Variants in FGFR2 observed in about 807,000 individuals in gnomAD.
FGFR2 encodes BEK fibroblast growth factor receptor.
Under a neutral mutation model 95.9 loss-of-function variants are expected in FGFR2, and 19 were observed. The observed-to-expected ratio is 0.20, with a 90% CI of 0.14 to 0.29. FGFR2 has a LOEUF of 0.29. FGFR2 is among the 10% of genes least tolerant of loss of function. The pLI is 1.00. For synonymous variants in FGFR2, 392 were observed against 393.3 expected, an observed-to-expected ratio of 1.00 and a Z score of 0.04; for missense variants, 707 against 1,056.9, an observed-to-expected ratio of 0.67 and a Z score of 4.59.
chr10:121,538,919 T>C (rs1223338815), intron 5 of FGFR2, among the ~76,000 whole-genome samples: 1 of 152,232 alleles, frequency 6.6e-6, no homozygotes, highest in Non-Finnish European at 1.5e-5. Flanking sequence ...GAAGCAAATA[T>C]TGACATATTC....
intron 6 of FGFR2, 38 bp downstream of exon 6, chr10:121,538,554 C>A: frequency 1.9e-6 from 3 of 1,614,146 alleles, no homozygotes; most frequent in Non-Finnish European, 2.5e-6. Flanking sequence ...CAAGAATGGG[C>A]TGGTATGCAG....
intron 5 of FGFR2, among the ~76,000 whole-genome samples, chr10:121,546,726 C>T (rs765197513): frequency 7.2e-5 from 11 of 152,046 alleles, no homozygotes; most frequent in Non-Finnish European, 1.3e-4. Flanking sequence ...GGATGGCTGC[C>T]GAGGTGCCCA....
chr10:121,591,507 A>G (rs1003632088), intron 2 of FGFR2, among the ~76,000 whole-genome samples: 1 of 152,212 alleles, frequency 6.6e-6, no homozygotes, highest in East Asian at 1.9e-4. Flanking sequence ...GAGTCAGAAG[A>G]CTTCTGAGGA....
chr10:121,492,965 A>G (rs1589741834), intron 13 of FGFR2, among the ~76,000 whole-genome samples: 2 of 152,266 alleles, frequency 1.3e-5, no homozygotes, highest in Non-Finnish European at 1.5e-5. Flanking sequence ...AGCAGGAGAC[A>G]GCTGAGTGGG....
chr10:121,544,740 AGTG>A (rs1854269999), intron 5 of FGFR2, among the ~76,000 whole-genome samples: 1 of 152,234 alleles, frequency 6.6e-6, no homozygotes, highest in Non-Finnish European at 1.5e-5. Flanking sequence ...TTTTGAAAAT[AGTG>A]GTGATGGTTG....
At chr10:121,526,929 A>G (rs1193562645) in intron 6 of FGFR2, 4 of 393,950 alleles carry the variant, frequency 1.0e-5, no homozygotes, top group African/African-American at 2.1e-5. Context: ...TAAAACACAC[A>G]CGTCTCTTTG....
intron 11 of FGFR2, among the ~76,000 whole-genome samples, 161 bp downstream of exon 11, chr10:121,500,665 T>C (rs1313324885): frequency 6.6e-6 from 1 of 152,182 alleles, no homozygotes; most frequent in East Asian, 1.9e-4. Flanking sequence ...AGATAAATAG[T>C]CTGTCCGAGA....
intron 1 of FGFR2, among the ~76,000 whole-genome samples, chr10:121,594,424 G>C (rs1863144809): frequency 6.6e-6 from 1 of 152,194 alleles, no homozygotes; most frequent in Admixed American, 6.5e-5. Context: ...AACTGTTGGA[G>C]GAGTCTGCTC....
chr10:121,554,115 C>T (rs1030792874), intron 4 of FGFR2, among the ~76,000 whole-genome samples: 5 of 152,170 alleles, frequency 3.3e-5, no homozygotes, highest in Non-Finnish European at 7.4e-5. Context: ...ACAGACACAG[C>T]CATACAGCAG....
chr10:121,559,856 T>C (rs929425280), intron 4 of FGFR2, among the ~76,000 whole-genome samples: 1 of 152,200 alleles, frequency 6.6e-6, no homozygotes, highest in East Asian at 1.9e-4. Flanking sequence ...CATATAATCC[T>C]TCTGAACCAC....
intron 6 of FGFR2, chr10:121,526,973 T>C (rs1851466054): frequency 2.6e-6 from 1 of 384,916 alleles, no homozygotes; most frequent in Non-Finnish European, 4.6e-6. Context: ...CAAACTTGTT[T>C]GGGTAAAAAT....
intron 5 of FGFR2, among the ~76,000 whole-genome samples, chr10:121,549,697 C>T (rs1855086001): frequency 6.6e-6 from 1 of 152,188 alleles, no homozygotes; most frequent in South Asian, 2.1e-4. Flanking sequence ...GCCCGTGTGG[C>T]ATGGAACAGT....
chr10:121,479,817 C>T lies in FGFR2; in HGVS notation c.*40G>A. ...TCTCCCTGCTCAGTGTAGCTAGGTT[C>T]CCAGTGCTGTCCTGTTTGGGGACAG... On this transcript the variant is annotated 3_prime_UTR_variant, in exon 18 of 18. Transcript: ENST00000358487. 1 of 1,613,990 alleles carries T rather than the reference C, an allele frequency of 6.2e-7. No homozygotes were observed. Among genetic ancestry groups the T allele is most frequent in the South Asian group, 1.1e-5 (1 of 91,048 alleles).
At chr10:121,493,753 CTGCTGCCTGCAGCTTCTTCA>C (rs1589744742) in intron 13 of FGFR2, among the ~76,000 whole-genome samples, 1 of 152,274 alleles carries the variant, frequency 6.6e-6, no homozygotes, top group East Asian at 1.9e-4. Flanking sequence ...CAGAGCTGAG[CTGCTGCCTGCAGCTTCTTCA>C]TTATCTCCCC....
rs371141402 is a variant in FGFR2, at chr10:121,517,438, T to C, written c.965A>G (p.Lys322Arg). The part of the protein sequence containing the change: ...LKAAGVNTTD[K>R]EIEVLYIRNV... ...CCGAATATAGAGAACCTCAATCTCTTTGTCCGTGGTGTTAACACCGGCGGC... is the reference window on the plus strand; with the variant it reads ...CCGAATATAGAGAACCTCAATCTCTCTGTCCGTGGTGTTAACACCGGCGGC... Residue 322 changes from lysine to arginine, a missense_variant, in exon 8 of 18, where the codon AAA (lysine) becomes AGA (arginine). Physicochemically the swap from Lys to Arg is conservative, Grantham distance 26 (BLOSUM62 2). This residue lies in a region of FGFR2 where 139 missense variants were observed against 278.1 expected (regional missense o/e 0.50). Coordinates refer to ENST00000358487, the MANE Select transcript of FGFR2 (RefSeq NM_000141.5). This position sits in a 1 kb window ranked among gnomAD's most constrained non-coding sequence, Gnocchi z 4.7. 6.2e-7 allele frequency: 1 copy of C among 1,614,190 alleles called. No individual in the cohort carries two copies. Among genetic ancestry groups the C allele is most frequent in the Non-Finnish European group, 8.5e-7 (1 of 1,180,032 alleles).
chr10:121,499,177 G>T (rs1039191791), intron 11 of FGFR2, among the ~76,000 whole-genome samples: 1 of 152,152 alleles, frequency 6.6e-6, no homozygotes, highest in Non-Finnish European at 1.5e-5. Flanking sequence ...CCCATCCTAA[G>T]AAAAGTTACA....
chr10:121,574,065 G>C (rs1859295837), intron 2 of FGFR2, among the ~76,000 whole-genome samples: 1 of 152,166 alleles, frequency 6.6e-6, no homozygotes, highest in African/African-American at 2.4e-5. Flanking sequence ...TCCTGTAGTG[G>C]CCACGCCCAG....
intron 2 of FGFR2, among the ~76,000 whole-genome samples, chr10:121,568,824 C>T (rs1324786637): frequency 6.6e-6 from 1 of 152,160 alleles, no homozygotes; most frequent in Non-Finnish European, 1.5e-5. Flanking sequence ...TGCTGGACTA[C>T]CACGTGCTGT....
At chr10:121,594,137 G>A in intron 1 of FGFR2, 170 bp from the exon 2 acceptor site, 1 of 503,524 alleles carries the variant, frequency 2.0e-6, no homozygotes, top group Non-Finnish European at 3.6e-6. Flanking sequence ...GATACCACCA[G>A]ACCGGTCCAC....
Sources: allele counts gnomAD v4.1 joint callset (sites outside exome capture counted in the v4.1 genomes callset), GRCh38; gene constraint gnomAD v4.1.1; regional missense constraint gnomAD v4.1.1; non-coding constraint Gnocchi (gnomAD v3.1); transcripts MANE v1.5; gene names NCBI Gene and HGNC (gene_info 2026-07-23, HGNC 2026-07-21).